FHL3: variants seen among roughly 807,000 people sequenced by gnomAD.
FHL3 encodes four and a half LIM domains 3, also known as four and a half LIM domains protein 3.
A neutral mutation model predicts 34.3 loss-of-function variants in FHL3; 21 were observed. That is an observed-to-expected ratio of 0.61 (90% CI 0.43 to 0.88). The LOEUF is 0.88. Among genes scored for constraint, FHL3 ranks in the 40% least tolerant of loss-of-function variants. FHL3 has a pLI of 0.00. For missense variants in FHL3, 333 were observed against 373.7 expected, an observed-to-expected ratio of 0.89 and a Z score of 0.90; for synonymous variants, 137 against 144.6, an observed-to-expected ratio of 0.95 and a Z score of 0.38.
chr1:37,998,709 C>A, intron 3 of FHL3: 1 of 484,642 alleles, frequency 2.1e-6, no homozygotes, highest in Non-Finnish European at 3.8e-6. Flanking sequence ...ACAGTCTCAG[C>A]ACACCTCTAG....
chr1:37,997,485 A>G lies in FHL3; in HGVS notation c.763T>C (p.Ser255Pro), dbSNP rs757939175. The change falls in exon 6 of 6, where the codon TCT (serine) becomes CCT (proline). Residue 255 changes from serine (S) to proline (P), a missense_variant. By Grantham distance (74) the Ser-to-Pro change is moderately conservative. Transcript: ENST00000373016. The surrounding 1 kb of genome is among the most constrained non-coding windows in gnomAD (Gnocchi z 4.3). ...AAGCCCTGGCCCACCAGGGAGGTAGAGCAGCGGGCGCAGGAGAAGCAGTTG... is the reference window on the plus strand; with the variant it reads ...AAGCCCTGGCCCACCAGGGAGGTAGGGCAGCGGGCGCAGGAGAAGCAGTTG... ...HHNCFSCARC[S>P]TSLVGQGFVP... is the part of the protein sequence containing the mutation. 1.2e-6 allele frequency: 2 copies of G among 1,613,926 alleles called. No homozygotes were observed. Among genetic ancestry groups the G allele is most frequent in the Admixed American group, 3.3e-5 (2 of 59,992 alleles).
chr1:37,997,183 T>G lies in FHL3; in HGVS notation c.*222A>C, dbSNP rs902963703. On this transcript the variant is annotated 3_prime_UTR_variant, in exon 6 of 6. Coordinates refer to ENST00000373016, the MANE Select transcript of FHL3 (RefSeq NM_004468.5). This position sits in a 1 kb window ranked among gnomAD's most constrained non-coding sequence, Gnocchi z 4.3. ...GAGGGTGAATTCTGGAGTCCAGGTG[T>G]GGGGAGGGGGCTTGACTCATGGAGG... 1.9e-6 allele frequency: 1 copy of G among 537,796 alleles called. No individual in the cohort carries two copies. Among genetic ancestry groups the G allele is most frequent in the Non-Finnish European group, 3.3e-6 (1 of 301,734 alleles). 33.3% of individuals were successfully genotyped at this position (537,796 alleles called of 1,614,324 possible).
Position 37,997,748 on chromosome 1 carries a change from G to C in FHL3, c.624C>G (p.Tyr208Ter). The C allele has an allele frequency of 6.2e-7, 1 of 1,614,168 alleles. No homozygotes were observed. The highest frequency in any genetic ancestry group is 8.5e-7 in the Non-Finnish European group (1 of 1,180,020). The change falls in exon 5 of 6, where the codon TAC (tyrosine) becomes TAG (stop). Residue 208 changes from tyrosine (Y) to a stop codon, truncating the protein, a stop_gained. Transcript: ENST00000373016. LOFTEE classifies it high-confidence loss of function. This position sits in a 1 kb window ranked among gnomAD's most constrained non-coding sequence, Gnocchi z 4.3. ...QQFTSRDEDP[Y>*]CVACFGELFA... ...AGAGTTCTCCAAAACAGGCCACACA[G>C]TAGGGATCTTCATCCCGGGAGGTGA...
rs1646543981 is a variant in FHL3 at position 37,997,335 on chromosome 1, A to T, written c.*70T>A. 6.6e-7 allele frequency: 1 copy of T among 1,515,118 alleles called. No homozygotes were observed. The highest frequency in any genetic ancestry group is 1.4e-5 in the African/African-American group (1 of 71,406). 93.9% of individuals were successfully genotyped at this position (1,515,118 alleles called of 1,614,324 possible). On this transcript the variant is annotated 3_prime_UTR_variant, in exon 6 of 6. Transcript: ENST00000373016. The surrounding 1 kb of genome is among the most constrained non-coding windows in gnomAD (Gnocchi z 4.3). ...TTTGGCGGGGGGAGCTGAGTCCCAG[A>T]GGTGGTTTAGAAAAGGAGCCACAGT...
Position 37,997,813 on chromosome 1 carries a change from C to T in FHL3, c.559G>A (p.Val187Ile). ...AGGGGCGTCTGGCATCCGGTACAGA[C>T]CAGACATTCTCGATGCCACGGCTGA... ...RDQPWHRECL[V>I]CTGCQTPLAG... Residue 187 changes from valine (V) to isoleucine (I), a missense_variant, in exon 5 of 6, where the codon GTC (valine) becomes ATC (isoleucine). Physicochemically the swap from Val to Ile is conservative, Grantham distance 29. Transcript: ENST00000373016. The surrounding 1 kb of genome is among the most constrained non-coding windows in gnomAD (Gnocchi z 4.3). 1 of 1,614,108 alleles carries T rather than the reference C, an allele frequency of 6.2e-7. No homozygotes were observed. The highest frequency in any genetic ancestry group is 1.3e-5 in the African/African-American group (1 of 75,026).
Position 37,997,312 on chromosome 1 carries a change from TGGCGGGGGGA to T in FHL3, c.*83_*92del. ...AGCCCAGAAGGAGACCCATTTTTTT[TGGCGGGGGGA>T]GCTGAGTCCCAGAGGTGGTTTAGAA... On this transcript the variant is annotated 3_prime_UTR_variant, in exon 6 of 6. Coordinates refer to ENST00000373016, the MANE Select transcript of FHL3 (RefSeq NM_004468.5). This position sits in a 1 kb window ranked among gnomAD's most constrained non-coding sequence, Gnocchi z 4.3. The T allele has an allele frequency of 1.4e-6, 2 of 1,384,882 alleles. No individual in the cohort carries two copies. Among genetic ancestry groups the T allele is most frequent in the African/African-American group, 1.4e-5 (1 of 68,990 alleles). 85.8% of individuals were successfully genotyped at this position (1,384,882 alleles called of 1,614,324 possible). A position where few individuals can be genotyped will look rare whatever the true frequency, so the allele number is the denominator to read the frequency against.
intron 3 of FHL3, among the ~76,000 whole-genome samples, chr1:37,998,511 C>A (rs990796034): frequency 1.3e-5 from 2 of 152,102 alleles, no homozygotes; most frequent in African/African-American, 4.8e-5. Flanking sequence ...TAAGTATCTG[C>A]CCACACAAAG....
chr1:38,000,152 C>A (rs920076691), intron 1 of FHL3, among the ~76,000 whole-genome samples: 8 of 152,238 alleles, frequency 5.3e-5, no homozygotes, highest in Admixed American at 3.3e-4. Context: ...CTCATCCCCC[C>A]ACCCCCGCTG....
chr1:38,001,200 G>A (rs536776635), intron 1 of FHL3, among the ~76,000 whole-genome samples: 3 of 152,338 alleles, frequency 2.0e-5, no homozygotes, highest in Admixed American at 1.3e-4. Flanking sequence ...TGGGCTGGGG[G>A]CTATGGTGTA....
chr1:38,003,227 G>A (rs1459972092), intron 1 of FHL3, among the ~76,000 whole-genome samples: 1 of 152,124 alleles, frequency 6.6e-6, no homozygotes, highest in African/African-American at 2.4e-5. Flanking sequence ...TCAGCCTCCT[G>A]AGTAGATGGG....
At chr1:37,998,694 G>A in intron 3 of FHL3, 1 of 454,578 alleles carries the variant, frequency 2.2e-6, no homozygotes, top group South Asian at 2.7e-5. Context: ...AATGCAACAA[G>A]CATGACAGTC....
intron 1 of FHL3, among the ~76,000 whole-genome samples, 194 bp from the exon 2 acceptor site, chr1:37,999,626 G>A (rs1646573218): frequency 6.6e-6 from 1 of 152,202 alleles, no homozygotes; most frequent in Admixed American, 6.5e-5. Flanking sequence ...ATTTAACTCG[G>A]GGTAGGAAGA....
chr1:37,998,052 A>G lies in FHL3; in HGVS notation c.412T>C (p.Ser138Pro). The G allele has an allele frequency of 6.2e-7, 1 of 1,614,074 alleles. No homozygotes were observed. The highest frequency in any genetic ancestry group is 8.5e-7 in the Non-Finnish European group (1 of 1,179,982). ...CCCTTGTCGGGCACAAAAGAACGGG[A>G]GCCCAGTGGCTGTTCACAGCCACTG... ...LCSGCEQPLG[S>P]RSFVPDKGAH... Residue 138 changes from serine to proline, a missense_variant, in exon 4 of 6, where the codon TCC (serine) becomes CCC (proline). Ser to Pro is a moderately conservative substitution (Grantham distance 74, BLOSUM62 -1). Transcript: ENST00000373016.
chr1:38,000,187 G>T (rs1255024648), intron 1 of FHL3, among the ~76,000 whole-genome samples: 1 of 152,190 alleles, frequency 6.6e-6, no homozygotes, highest in Non-Finnish European at 1.5e-5. Flanking sequence ...GGACAGCCTT[G>T]GCCTGTAACA....
chr1:37,998,741 C>T, intron 3 of FHL3: 1 of 553,020 alleles, frequency 1.8e-6, no homozygotes, highest in Admixed American at 3.1e-5. Context: ...ACTAAACATG[C>T]AGATATTCAC....
chr1:37,997,202 A>C lies in FHL3; in HGVS notation c.*203T>G. On this transcript the variant is annotated 3_prime_UTR_variant, in exon 6 of 6. Coordinates refer to ENST00000373016, the MANE Select transcript of FHL3 (RefSeq NM_004468.5). The surrounding 1 kb of genome is among the most constrained non-coding windows in gnomAD (Gnocchi z 4.3). ...CAGGTGTGGGGAGGGGGCTTGACTC[A>C]TGGAGGCTCTGTAAGAGCCCAGGTT... The C allele has an allele frequency of 1.7e-6, 1 of 588,962 alleles. No homozygotes were observed. The highest frequency in any genetic ancestry group is 2.0e-5 in the South Asian group (1 of 48,846). 36.5% of individuals were successfully genotyped at this position (588,962 alleles called of 1,614,324 possible).
rs574153006 is a variant in FHL3, at chr1:37,999,535, T to C, written c.-20-103A>G. On this transcript the variant is annotated intron_variant, in intron 1 of 5. Coordinates refer to ENST00000373016, the MANE Select transcript of FHL3 (RefSeq NM_004468.5). ...CAAAACACAGCCAAGAGACCCGGCA[T>C]AGGAAATGCCAGTTCAGAGTAGGTG... The C allele has an allele frequency of 1.4e-5, 15 of 1,103,612 alleles. No homozygotes were observed. In the East Asian group the frequency reaches 3.0e-4, roughly 22 times the overall value. The allele number at this position is 1,103,612 out of a possible 1,614,324, so 68.4% of individuals were successfully genotyped here. A position where few individuals can be genotyped will look rare whatever the true frequency, so the allele number is the denominator to read the frequency against.
chr1:38,001,213 G>A (rs554969663), intron 1 of FHL3, among the ~76,000 whole-genome samples: 99 of 152,310 alleles, frequency 6.5e-4, no homozygotes, highest in African/African-American at 2.2e-3. Context: ...ATGGTGTAGA[G>A]AAGATACTCC....
intron 3 of FHL3, among the ~76,000 whole-genome samples, chr1:37,998,338 G>T (rs1449487335): frequency 6.6e-6 from 1 of 152,110 alleles, no homozygotes; most frequent in African/African-American, 2.4e-5. Flanking sequence ...CTAGACACGA[G>T]GGTTTTGGCC....
Sources: gnomAD v4.1 joint callset for allele counts (sites outside exome capture counted in the v4.1 genomes callset) on GRCh38, gnomAD v4.1.1 for gene constraint, Gnocchi (gnomAD v3.1) non-coding constraint, MANE v1.5 for transcripts, NCBI Gene and HGNC (gene_info 2026-07-23, HGNC 2026-07-21) for gene names.